The following NRXN3 variants were observed in gnomAD, a reference collection of about 807,000 sequenced individuals.
The protein encoded by NRXN3 is neurexin III.
In NRXN3, 32 loss-of-function variants were observed where a neutral mutation model predicts 137.6. That is an observed-to-expected ratio of 0.23 (90% confidence interval 0.18 to 0.31). The LOEUF is 0.31. Among genes scored for constraint, NRXN3 ranks in the 10% least tolerant of loss-of-function variants. The probability of loss-of-function intolerance (pLI) is 1.00; values close to 1 mark genes in which losing one functional copy is unlikely to be tolerated. For missense variants in NRXN3, 1,574 were observed against 2,062.5 expected (o/e 0.76, Z 4.59); for synonymous variants, 798 against 784.5 (o/e 1.02, Z -0.29).
intron 16 of NRXN3, among the ~76,000 whole-genome samples, chr14:79,488,534 C>A (rs1006980855): frequency 1.3e-5 from 2 of 152,046 alleles, no homozygotes; most frequent in African/African-American, 4.8e-5. Flanking sequence ...TAAAATTAAC[C>A]AAGCTGGGGC....
intron 10 of NRXN3, among the ~76,000 whole-genome samples, chr14:78,937,185 G>GAA (rs199876825): frequency 6.1e-5 from 6 of 98,544 alleles, no homozygotes; most frequent in Admixed American, 1.2e-4. Flanking sequence ...TCGTGCCATT[G>GAA]AAAAAAAAAA....
chr14:79,128,273 T>C (rs2056875764), intron 15 of NRXN3, among the ~76,000 whole-genome samples: 1 of 128,946 alleles, frequency 7.8e-6, no homozygotes, highest in Non-Finnish European at 1.6e-5. Context: ...AAGGGAATGC[T>C]TCCAGTTTTT....
At chr14:78,905,462 T>A (rs528979135) in intron 10 of NRXN3, among the ~76,000 whole-genome samples, 1 of 151,954 alleles carries the variant, frequency 6.6e-6, no homozygotes, top group South Asian at 2.1e-4. Flanking sequence ...TATCATAACT[T>A]TTTTGAATAA....
intron 19 of NRXN3, among the ~76,000 whole-genome samples, chr14:79,723,277 T>G (rs2098854303): frequency 1.3e-5 from 2 of 152,262 alleles, no homozygotes; most frequent in East Asian, 1.9e-4. Context: ...CAAAGGGGAC[T>G]GAAATGGGAG....
intron 16 of NRXN3, among the ~76,000 whole-genome samples, chr14:79,603,260 C>T (rs1049220666): frequency 2.6e-5 from 4 of 152,196 alleles, no homozygotes; most frequent in Non-Finnish European, 5.9e-5. Context: ...GGGAAAGGGA[C>T]AAAGCAAGTA....
chr14:78,395,993 A>T (rs566924424), intron 4 of NRXN3, among the ~76,000 whole-genome samples: 130 of 152,100 alleles, frequency 8.5e-4, no homozygotes, highest in African/African-American at 2.7e-3. Flanking sequence ...CATCATTTAT[A>T]TGTAAGGGTG....
intron 15 of NRXN3, among the ~76,000 whole-genome samples, chr14:79,216,795 A>G (rs911153852): frequency 6.6e-6 from 1 of 152,140 alleles, no homozygotes; most frequent in African/African-American, 2.4e-5. Context: ...GTGTTATTCC[A>G]TTTTGTGACC....
intron 10 of NRXN3, among the ~76,000 whole-genome samples, chr14:78,913,479 C>T (rs1205987182): frequency 2.0e-5 from 3 of 151,616 alleles, no homozygotes; most frequent in Admixed American, 1.3e-4. Flanking sequence ...GGGGTTTCAC[C>T]ACGTTGGCCA....
chr14:79,857,284 T>G (rs1403367967), intron 20 of NRXN3, among the ~76,000 whole-genome samples: 2 of 152,124 alleles, frequency 1.3e-5, no homozygotes, highest in East Asian at 1.9e-4. Flanking sequence ...TGCAGTGGCG[T>G]GATCTCGGCT....
chr14:78,265,226 T>G (rs1253453466), intron 2 of NRXN3, among the ~76,000 whole-genome samples: 2 of 152,134 alleles, frequency 1.3e-5, no homozygotes, highest in African/African-American at 2.4e-5. Flanking sequence ...GCTTTACAAT[T>G]TTTTTTCAAG....
At chr14:79,735,679 G>A (rs186665767) in intron 19 of NRXN3, among the ~76,000 whole-genome samples, 4 of 152,154 alleles carry the variant, frequency 2.6e-5, no homozygotes, top group South Asian at 2.1e-4. Context: ...AGAGAACAGG[G>A]TTATAAAGCA....
chr14:78,376,839 G>A (rs1163797029), intron 4 of NRXN3, among the ~76,000 whole-genome samples: 1 of 152,120 alleles, frequency 6.6e-6, no homozygotes, highest in Admixed American at 6.5e-5. Flanking sequence ...ACTGCAACTG[G>A]TAAAATGATG....
chr14:79,624,437 ATG>A (rs2098259269), intron 16 of NRXN3, among the ~76,000 whole-genome samples: 1 of 127,308 alleles, frequency 7.9e-6, no homozygotes. Flanking sequence ...GTCTCCATAT[ATG>A]TATATATATA....
intron 6 of NRXN3, among the ~76,000 whole-genome samples, chr14:78,673,412 G>T (rs188372227): frequency 6.6e-6 from 1 of 152,206 alleles, no homozygotes; most frequent in Non-Finnish European, 1.5e-5. Context: ...GATGCCAGCG[G>T]TGTCATCCAT....
rs181874603 is a variant in NRXN3 at position 78,308,455 on chromosome 14, A to G, written c.757+10595A>G. ...GCAGCCCTTTTAAATGAAACCCTGCAAAGCCTGCTTTTCTCTGTACTTTGA... is the reference window on the plus strand; with the variant it reads ...GCAGCCCTTTTAAATGAAACCCTGCGAAGCCTGCTTTTCTCTGTACTTTGA... On this transcript the variant is annotated intron_variant, in intron 4 of 20. Transcript: ENST00000335750. 2.0e-4 allele frequency among the ~76,000 whole-genome samples: 30 copies of G among 152,210 alleles called. No individual in the cohort carries two copies. In the East Asian group the frequency reaches 4.6e-3, roughly 24 times the overall value.
chr14:78,907,104 T>C (rs2099219762), intron 10 of NRXN3, among the ~76,000 whole-genome samples: 2 of 152,070 alleles, frequency 1.3e-5, no homozygotes, highest in African/African-American at 4.8e-5. Flanking sequence ...ACACATATAA[T>C]TATTGGCAGT....
chr14:79,862,387 G>T lies in NRXN3; in HGVS notation c.*423G>T, dbSNP rs956194751. 1 of 153,872 alleles carries T rather than the reference G, an allele frequency of 6.5e-6. No homozygotes were observed. Among genetic ancestry groups the T allele is most frequent in the South Asian group, 2.1e-4 (1 of 4,824 alleles). 9.5% of individuals were successfully genotyped at this position (153,872 alleles called of 1,614,324 possible). On this transcript the variant is annotated 3_prime_UTR_variant, in exon 21 of 21. Transcript: ENST00000335750. ...TCTGTAATGTTTGTGAAGCTTGACT[G>T]TAACCATGTTTTTTCTGTTTAATTA... is the stretch of plus-strand genomic sequence containing the variant.
intron 15 of NRXN3, among the ~76,000 whole-genome samples, chr14:79,043,598 T>C (rs1293391156): frequency 1.3e-5 from 2 of 152,224 alleles, no homozygotes; most frequent in East Asian, 3.9e-4. Flanking sequence ...GAAGTTCATC[T>C]AGCACCTAGG....
At chr14:79,174,774 T>C (rs1360314123) in intron 15 of NRXN3, among the ~76,000 whole-genome samples, 1 of 151,978 alleles carries the variant, frequency 6.6e-6, no homozygotes, top group African/African-American at 2.4e-5. Flanking sequence ...CTAAAGCAGA[T>C]GACTTAGAAA....
Sources: gnomAD v4.1 joint callset for allele counts (sites outside exome capture counted in the v4.1 genomes callset) on GRCh38, gnomAD v4.1.1 for gene constraint, MANE v1.5 for transcripts, NCBI Gene and HGNC (gene_info 2026-07-23, HGNC 2026-07-21) for gene names.